The following LYPLAL1 variants were observed in gnomAD, a reference collection of about 807,000 sequenced individuals.
LYPLAL1 encodes the protein lysophospholipase like 1.
In LYPLAL1, 23 loss-of-function variants were observed where a neutral mutation model predicts 19.7. That is an observed-to-expected ratio of 1.17 (90% CI 0.84 to 1.65). LYPLAL1 has a LOEUF of 1.65. Among genes scored for constraint, LYPLAL1 ranks in the 40% most tolerant of loss-of-function variants. LYPLAL1 has a pLI of 0.00. For synonymous variants in LYPLAL1, 119 were observed against 96.3 expected (o/e 1.24, Z -1.38); for missense variants, 355 against 279.4 (o/e 1.27, Z -1.93).
chr1:219,342,901 CAGAG>C, the LYPLAL1 span, among the ~76,000 whole-genome samples: 2 of 152,288 alleles, frequency 1.3e-5, no homozygotes, highest in East Asian at 3.9e-4. Flanking sequence ...CGAAATCACA[CAGAG>C]AGGATTGATT....
At chr1:219,250,129 T>C in the LYPLAL1 span, among the ~76,000 whole-genome samples, 1 of 152,060 alleles carries the variant, frequency 6.6e-6, no homozygotes, top group Non-Finnish European at 1.5e-5. Context: ...AAAGTTATTC[T>C]TCTGTGTTTA....
chr1:219,339,938 A>C, the LYPLAL1 span, among the ~76,000 whole-genome samples: 28 of 152,012 alleles, frequency 1.8e-4, no homozygotes, highest in Admixed American at 1.6e-3. Context: ...CTCTTCACTG[A>C]CTTTTGGTAC....
At chr1:219,373,470 G>A in the LYPLAL1 span, among the ~76,000 whole-genome samples, 3 of 152,236 alleles carry the variant, frequency 2.0e-5, no homozygotes, top group East Asian at 5.8e-4. Context: ...CTCTTCTGCT[G>A]TTAATTATGT....
chr1:219,259,824 A>G, the LYPLAL1 span, among the ~76,000 whole-genome samples: 2,456 of 151,964 alleles, frequency 0.016, 19 homozygotes, highest in Non-Finnish European at 0.023. Flanking sequence ...AGAAAAATTC[A>G]TGAGATTACT....
chr1:219,384,833 A>G, the LYPLAL1 span, among the ~76,000 whole-genome samples: 1 of 152,224 alleles, frequency 6.6e-6, no homozygotes, highest in Admixed American at 6.5e-5. Context: ...CATCAAACAG[A>G]AATATATATA....
chr1:219,278,447 A>G, the LYPLAL1 span, among the ~76,000 whole-genome samples: 2 of 152,198 alleles, frequency 1.3e-5, no homozygotes, highest in African/African-American at 4.8e-5. Context: ...ATTACAATGT[A>G]TGTCCGGTTG....
At chr1:219,377,265 T>C in the LYPLAL1 span, among the ~76,000 whole-genome samples, 7 of 152,222 alleles carry the variant, frequency 4.6e-5, no homozygotes, top group African/African-American at 9.6e-5. Flanking sequence ...GTTTCACTTA[T>C]ACAAAGTATC....
the LYPLAL1 span, among the ~76,000 whole-genome samples, chr1:219,346,088 C>T: frequency 2.0e-5 from 3 of 152,158 alleles, no homozygotes; most frequent in Admixed American, 6.5e-5. Flanking sequence ...AGGGCTTGTT[C>T]CTCACCTCAC....
At chr1:219,403,653 C>A in the LYPLAL1 span, among the ~76,000 whole-genome samples, 1 of 152,088 alleles carries the variant, frequency 6.6e-6, no homozygotes. Flanking sequence ...CAAAATATAA[C>A]CTCTGGATGC....
At chr1:219,301,209 G>T in the LYPLAL1 span, among the ~76,000 whole-genome samples, 28 of 152,130 alleles carry the variant, frequency 1.8e-4, no homozygotes, top group Non-Finnish European at 3.8e-4. Context: ...TAAGCTTATT[G>T]GTTGAGCATC....
the LYPLAL1 span, among the ~76,000 whole-genome samples, chr1:219,266,951 A>G: frequency 6.6e-6 from 1 of 152,214 alleles, no homozygotes; most frequent in Non-Finnish European, 1.5e-5. Flanking sequence ...AAATAGTTCT[A>G]TAAAATTTGT....
At chr1:219,229,340 AC>A in the LYPLAL1 span, among the ~76,000 whole-genome samples, 1 of 147,008 alleles carries the variant, frequency 6.8e-6, no homozygotes, top group African/African-American at 2.6e-5. Context: ...AGAGAGAGAC[AC>A]GCAGGCTACC....
chr1:219,407,759 T>C, the LYPLAL1 span, among the ~76,000 whole-genome samples: 1 of 152,256 alleles, frequency 6.6e-6, no homozygotes, highest in East Asian at 1.9e-4. Context: ...TACCCTAGAC[T>C]GGGTAGCTTA....
the LYPLAL1 span, among the ~76,000 whole-genome samples, chr1:219,306,357 T>C: frequency 1.3e-5 from 2 of 152,194 alleles, no homozygotes; most frequent in Non-Finnish European, 1.5e-5. Context: ...ATTTGGTTTA[T>C]GATTATTCTA....
At chr1:219,436,198 C>T in the LYPLAL1 span, among the ~76,000 whole-genome samples, 1 of 152,152 alleles carries the variant, frequency 6.6e-6, no homozygotes, top group Non-Finnish European at 1.5e-5. Context: ...CCTCGCAGGC[C>T]CTGGAAGTAG....
the LYPLAL1 span, among the ~76,000 whole-genome samples, chr1:219,396,974 G>T: frequency 6.6e-6 from 1 of 152,156 alleles, no homozygotes; most frequent in Non-Finnish European, 1.5e-5. Flanking sequence ...GTGAGAGAGG[G>T]CATCCTTGTC....
chr1:219,415,874 C>T, the LYPLAL1 span, among the ~76,000 whole-genome samples: 2 of 152,316 alleles, frequency 1.3e-5, no homozygotes, highest in Admixed American at 6.5e-5. Flanking sequence ...TCACTTCAAT[C>T]TCTTCCTGTC....
the LYPLAL1 span, among the ~76,000 whole-genome samples, chr1:219,373,877 A>AC: frequency 6.0e-5 from 1 of 16,538 alleles, no homozygotes; most frequent in African/African-American, 1.4e-4. Flanking sequence ...AAAAAAAAAA[A>AC]AAAACAAAAA....
At chr1:219,300,009 C>CG in the LYPLAL1 span, among the ~76,000 whole-genome samples, 1 of 152,174 alleles carries the variant, frequency 6.6e-6, no homozygotes, top group Non-Finnish European at 1.5e-5. Context: ...GACAGAGTCT[C>CG]GCTCTGTCAC....
Sources: gnomAD v4.1 joint callset for allele counts (sites outside exome capture counted in the v4.1 genomes callset) on GRCh38, gnomAD v4.1.1 for gene constraint, MANE v1.5 for transcripts, NCBI Gene and HGNC (gene_info 2026-07-23, HGNC 2026-07-21) for gene names.